Variants in FRMD4A observed in about 807,000 individuals in gnomAD.
FRMD4A encodes FERM domain containing 4A.
A neutral mutation model predicts 129.1 loss-of-function variants in FRMD4A; 29 were observed. The observed-to-expected ratio is 0.22, with a 90% CI of 0.17 to 0.31. The LOEUF (loss-of-function observed/expected upper bound fraction) is 0.31, where lower values mean the gene tolerates loss of function less well. Among genes scored for constraint, FRMD4A ranks in the 10% least tolerant of loss-of-function variants. The probability of loss-of-function intolerance (pLI) is 1.00; values close to 1 mark genes in which losing one functional copy is unlikely to be tolerated. For synonymous variants in FRMD4A, 634 were observed against 571.6 expected, an observed-to-expected ratio of 1.11 and a Z score of -1.56; for missense variants, 1,272 against 1,375.8, an observed-to-expected ratio of 0.92 and a Z score of 1.19.
chr10:13,946,966 G>A (rs10906549), intron 2 of FRMD4A, among the ~76,000 whole-genome samples: 14,440 of 152,154 alleles, frequency 0.095, 804 homozygotes, highest in Middle Eastern at 0.17. Context: ...CGCTCATATG[G>A]GGAAGCTTGG....
Position 13,810,743 on chromosome 10 carries a change from C to G in FRMD4A, c.206+71G>C, listed in dbSNP as rs982222783. ...CTGCAGCTGATTTCGCTGCTAACAG[C>G]TGGAGTGGAGCAGTTTCGGGTTCTG... is the stretch of plus-strand genomic sequence containing the variant. On this transcript the variant is annotated intron_variant, in intron 4 of 24. Coordinates refer to ENST00000357447, the MANE Select transcript of FRMD4A (RefSeq NM_018027.5). 6 of 758,864 alleles carry G rather than the reference C, an allele frequency of 7.9e-6. No homozygotes were observed. The East Asian group carries it at 1.6e-4, about 20-fold the overall frequency. 47.0% of individuals were successfully genotyped at this position (758,864 alleles called of 1,614,324 possible).
intron 2 of FRMD4A, among the ~76,000 whole-genome samples, chr10:13,974,809 G>A (rs2095535446): frequency 6.6e-6 from 1 of 152,130 alleles, no homozygotes; most frequent in African/African-American, 2.4e-5. Flanking sequence ...TTACAGGTGT[G>A]AGCCACTGCA....
At chr10:13,913,511 A>C (rs756160607) in intron 2 of FRMD4A, among the ~76,000 whole-genome samples, 12 of 152,216 alleles carry the variant, frequency 7.9e-5, no homozygotes, top group Non-Finnish European at 1.8e-4. Context: ...GCTTCAGGCC[A>C]CGTCTTTTGA....
chr10:13,997,619 C>CT lies in FRMD4A; in HGVS notation c.46-138708dup, dbSNP rs1555008439. On this transcript the variant is annotated intron_variant, in intron 2 of 24. Coordinates refer to ENST00000357447, the MANE Select transcript of FRMD4A (RefSeq NM_018027.5). ...AAACACATGGCAATTCTTTTCTTTT[C>CT]TTTTCTTTTTTTTTTTTTTTTGAGA... 6.4e-3 allele frequency among the ~76,000 whole-genome samples: 821 copies of CT among 127,446 alleles called. 9 individuals are homozygous for CT. The highest frequency in any genetic ancestry group is 0.021 in the African/African-American group (779 of 37,320). The allele number at this position is 127,446 out of a possible 152,430, so 83.6% of individuals were successfully genotyped here.
At chr10:14,195,613 C>T (rs1842450156) in intron 2 of FRMD4A, among the ~76,000 whole-genome samples, 2 of 152,184 alleles carry the variant, frequency 1.3e-5, no homozygotes, top group African/African-American at 4.8e-5. Context: ...GTGCAGTGAG[C>T]TCTCCAGGCG....
intron 2 of FRMD4A, among the ~76,000 whole-genome samples, chr10:14,165,843 G>C (rs1841146550): frequency 6.6e-6 from 1 of 152,134 alleles, no homozygotes; most frequent in Admixed American, 6.5e-5. Context: ...GTAGACACTG[G>C]GGACTCCAAA....
At chr10:14,184,873 C>G (rs541800210) in intron 2 of FRMD4A, among the ~76,000 whole-genome samples, 41 of 152,236 alleles carry the variant, frequency 2.7e-4, no homozygotes, top group African/African-American at 9.4e-4. Flanking sequence ...ATGGCCTGCC[C>G]GGATACAACT....
intron 2 of FRMD4A, among the ~76,000 whole-genome samples, chr10:13,943,733 T>A (rs2095311601): frequency 6.6e-6 from 1 of 151,024 alleles, no homozygotes; most frequent in African/African-American, 2.4e-5. Flanking sequence ...CCAAAGAGTG[T>A]TACCTTGCAT....
chr10:13,782,855 T>A, intron 6 of FRMD4A, 67 bp downstream of exon 6: 1 of 802,464 alleles, frequency 1.2e-6, no homozygotes, highest in South Asian at 1.3e-5. Flanking sequence ...GGTAACACTT[T>A]GGAATTTCCA....
chr10:13,895,570 T>G (rs566920084), intron 2 of FRMD4A, among the ~76,000 whole-genome samples: 1 of 152,216 alleles, frequency 6.6e-6, no homozygotes, highest in South Asian at 2.1e-4. Flanking sequence ...AAATAAGAAT[T>G]GAAGGAAGAA....
chr10:13,891,049 C>T (rs1349651136), intron 2 of FRMD4A, among the ~76,000 whole-genome samples: 1 of 152,042 alleles, frequency 6.6e-6, no homozygotes, highest in East Asian at 1.9e-4. Flanking sequence ...CAGCTGCCTC[C>T]AATATAGAAG....
intron 2 of FRMD4A, among the ~76,000 whole-genome samples, chr10:14,177,320 C>G (rs1399723978): frequency 6.6e-6 from 1 of 152,218 alleles, no homozygotes; most frequent in Admixed American, 6.5e-5. Context: ...GCCTCAGCCT[C>G]CACCATGCCC....
In FRMD4A at chr10:14,330,068, C is replaced by T; in HGVS notation, c.35G>A (p.Gly12Asp). The change falls in exon 2 of 25, where the codon GGC becomes GAC. Residue 12 changes from glycine (G) to aspartate (D), a missense_variant. Around this residue, in one of 2 missense-constraint regions of FRMD4A, gnomAD observed 300 missense variants for 483.6 expected, o/e 0.62. Transcript: ENST00000357447. Reference sequence around the variant, plus strand: ...TGTCTGAACACTCACCATCAGCAGGCCGAGAGCTGAGTCGGGCACCAGCTG... The same window carrying T: ...TGTCTGAACACTCACCATCAGCAGGTCGAGAGCTGAGTCGGGCACCAGCTG... ...AVQLVPDSAL[G>D]LLMMTEGRRC... is the part of the protein sequence containing the mutation. 6.4e-7 allele frequency: 1 copy of T among 1,553,278 alleles called. No individual in the cohort carries two copies. The highest frequency in any genetic ancestry group is 8.7e-7 in the Non-Finnish European group (1 of 1,147,722).
chr10:14,028,896 T>A (rs1026476516), intron 2 of FRMD4A, among the ~76,000 whole-genome samples: 3 of 152,184 alleles, frequency 2.0e-5, no homozygotes, highest in Admixed American at 6.5e-5. Flanking sequence ...CAGCACAGGA[T>A]CCTGCTACTA....
intron 2 of FRMD4A, among the ~76,000 whole-genome samples, chr10:14,263,643 T>A (rs1259691497): frequency 6.6e-6 from 1 of 152,126 alleles, no homozygotes; most frequent in East Asian, 1.9e-4. Context: ...GGTGAAGCCA[T>A]CAAGGATGGA....
intron 2 of FRMD4A, among the ~76,000 whole-genome samples, chr10:14,152,129 T>C (rs1219939221): frequency 7.7e-6 from 1 of 130,508 alleles, no homozygotes; most frequent in Admixed American, 7.5e-5. Flanking sequence ...TTTTTTTTTT[T>C]TTTTTTTTTT....
chr10:13,695,352 G>C (rs1004601570), intron 14 of FRMD4A, among the ~76,000 whole-genome samples: 8 of 152,092 alleles, frequency 5.3e-5, no homozygotes, highest in African/African-American at 1.9e-4. Context: ...TGTTGGCCAG[G>C]CTGGTCTCAA....
rs114781925 is a variant in FRMD4A at position 13,657,595 on chromosome 10, G to C, written c.2067-73C>G. On this transcript the variant is annotated intron_variant, in intron 21 of 24. Transcript: ENST00000357447. The stretch of plus-strand genomic sequence containing the variant: ...AGGAGGGGTGCTCCGGGGAGGAGGG[G>C]GTCCTGAGGAGGGCACTGGGTGTCT... 10,710 of 1,452,420 alleles carry C rather than the reference G, an allele frequency of 7.4e-3. 307 individuals carry two copies. Among genetic ancestry groups the C allele is most frequent in the African/African-American group, 0.073 (5,189 of 71,044 alleles). The allele number at this position is 1,452,420 out of a possible 1,614,324, so 90.0% of individuals were successfully genotyped here.
chr10:14,242,937 C>T (rs1396818142), intron 2 of FRMD4A, among the ~76,000 whole-genome samples: 1 of 152,150 alleles, frequency 6.6e-6, no homozygotes, highest in African/African-American at 2.4e-5. Context: ...TTTGAGACAC[C>T]ATGCTCATGG....
Sources: gnomAD v4.1 joint callset for allele counts (sites outside exome capture counted in the v4.1 genomes callset) on GRCh38, gnomAD v4.1.1 for gene constraint, gnomAD v4.1.1 regional missense constraint, MANE v1.5 for transcripts, NCBI Gene and HGNC (gene_info 2026-07-23, HGNC 2026-07-21) for gene names.